Variants in C3orf22 observed in about 807,000 individuals in gnomAD.
C3orf22 encodes uncharacterized protein C3orf22.
Under a neutral mutation model 10.8 loss-of-function variants are expected in C3orf22, and 7 were observed. The ratio of observed to expected loss-of-function variants is 0.65; its 90% CI spans 0.37 to 1.22. The LOEUF is 1.22. C3orf22 is among the 50% of genes most tolerant of loss of function. The probability of loss-of-function intolerance (pLI) is 0.02; values close to 1 mark genes in which losing one functional copy is unlikely to be tolerated. For synonymous variants in C3orf22, 79 were observed against 78.9 expected (o/e 1.00, Z 0.00); for missense variants, 173 against 177.0 (o/e 0.98, Z 0.13).
chr3:126,528,417 G>A (rs747297313), intron 5 of C3orf22, among the ~76,000 whole-genome samples: 4 of 152,198 alleles, frequency 2.6e-5, no homozygotes, highest in Non-Finnish European at 2.9e-5. Context: ...AAAGAGTGCC[G>A]TGGCTGGAGC....
intron 3 of C3orf22, among the ~76,000 whole-genome samples, chr3:126,550,977 T>C (rs1201781055): frequency 1.3e-5 from 2 of 152,218 alleles, no homozygotes; most frequent in Non-Finnish European, 2.9e-5. Context: ...CCCTGGCCGC[T>C]AAGCCCCATT....
chr3:126,549,621 CATT>C, downstream of C3orf22: 1 of 1,452,656 alleles, frequency 6.9e-7, no homozygotes, highest in East Asian at 2.9e-5. Flanking sequence ...CAAGATTAAA[CATT>C]ATTACAACAA....
chr3:126,542,301 C>G, intron 4 of C3orf22: 1 of 1,566,526 alleles, frequency 6.4e-7, no homozygotes, highest in Non-Finnish European at 8.6e-7. Context: ...TGGGAGCGCG[C>G]GCACGCGCTC....
At chr3:126,530,156 C>T (rs1200706852) in intron 4 of C3orf22, among the ~76,000 whole-genome samples, 2 of 152,322 alleles carry the variant, frequency 1.3e-5, no homozygotes, top group East Asian at 1.9e-4. Flanking sequence ...GCAGCCTGCC[C>T]GTCTGCAGGG....
chr3:126,537,616 G>C (rs1936826047), intron 4 of C3orf22, among the ~76,000 whole-genome samples: 1 of 152,186 alleles, frequency 6.6e-6, no homozygotes, highest in African/African-American at 2.4e-5. Context: ...CTGACGGTAG[G>C]ACAGGCACTC....
intron 3 of C3orf22, among the ~76,000 whole-genome samples, 180 bp downstream of exon 3, chr3:126,551,817 C>T (rs987438872): frequency 3.9e-5 from 6 of 152,276 alleles, no homozygotes; most frequent in Admixed American, 1.3e-4. Flanking sequence ...CTGGATGCTG[C>T]CTGGCTGTGG....
intron 1 of C3orf22, among the ~76,000 whole-genome samples, chr3:126,555,072 T>C (rs1209333170): frequency 1.3e-5 from 2 of 152,214 alleles, no homozygotes; most frequent in Non-Finnish European, 2.9e-5. Context: ...TCATGGCTAG[T>C]GCCTGCTGCA....
intron 4 of C3orf22, among the ~76,000 whole-genome samples, chr3:126,532,801 A>C (rs1436111898): frequency 6.6e-6 from 1 of 152,244 alleles, no homozygotes; most frequent in Non-Finnish European, 1.5e-5. Flanking sequence ...TTTGGCAGAA[A>C]AAGGCAGCTG....
At chr3:126,556,604 G>A (rs1464555579) in intron 1 of C3orf22, among the ~76,000 whole-genome samples, 1 of 151,920 alleles carries the variant, frequency 6.6e-6, no homozygotes, top group Non-Finnish European at 1.5e-5. Context: ...GAAGGCGGCC[G>A]CTAAGCAGGT....
At chr3:126,546,754 A>T (rs9868154), downstream of C3orf22, among the ~76,000 whole-genome samples, 33,968 of 151,984 alleles carry the variant, frequency 0.22, 5,149 homozygotes, top group African/African-American at 0.43. Context: ...GTCCCAGCAG[A>T]CTAAGCCGTG....
downstream of C3orf22, among the ~76,000 whole-genome samples, chr3:126,546,092 G>A (rs1273973695): frequency 6.6e-6 from 1 of 152,192 alleles, no homozygotes; most frequent in Non-Finnish European, 1.5e-5. Context: ...CAGTGGCAAG[G>A]GAGTCTGGGA....
intron 4 of C3orf22, among the ~76,000 whole-genome samples, chr3:126,537,507 G>A (rs889092620): frequency 2.6e-5 from 4 of 152,208 alleles, no homozygotes; most frequent in African/African-American, 4.8e-5. Flanking sequence ...AGGGCTGAGC[G>A]GAAGGGGCCT....
chr3:126,554,231 A>G (rs2107583803), intron 1 of C3orf22, among the ~76,000 whole-genome samples: 1 of 147,156 alleles, frequency 6.8e-6, no homozygotes, highest in East Asian at 2.0e-4. Context: ...CAGGCTGTAC[A>G]TACATTTTTT....
At chr3:126,541,820 C>A in intron 4 of C3orf22, 1 of 1,564,474 alleles carries the variant, frequency 6.4e-7, no homozygotes, top group South Asian at 1.2e-5. Context: ...CCGGCAGCGC[C>A]TGCTACAGCC....
rs1233614234 is a variant in C3orf22 at position 126,553,442 on chromosome 3, G to A, written c.-40-12C>T. 2 of 1,521,854 alleles carry A rather than the reference G, an allele frequency of 1.3e-6. No homozygotes were observed. The highest frequency in any genetic ancestry group is 2.7e-5 in the African/African-American group (2 of 72,870). The allele number at this position is 1,521,854 out of a possible 1,614,324, so 94.3% of individuals were successfully genotyped here. A position where few individuals can be genotyped will look rare whatever the true frequency, so the allele number is the denominator to read the frequency against. On this transcript the variant is annotated splice_polypyrimidine_tract_variant and intron_variant, in intron 1 of 3. Transcript: ENST00000318225. ...CCTCTCAGCCATGGCTGGAAGACAA[G>A]AGGAGGCGTCAGAGGGGGCAGGGGT...
At chr3:126,539,378 G>C (rs977048216) in intron 4 of C3orf22, among the ~76,000 whole-genome samples, 2 of 152,040 alleles carry the variant, frequency 1.3e-5, no homozygotes, top group Non-Finnish European at 2.9e-5. Context: ...TTAGACAGCT[G>C]TGGGATAGTT....
chr3:126,552,036 T>G lies in C3orf22; in HGVS notation c.176A>C (p.Gln59Pro). The change falls in exon 3 of 4, where the codon CAG becomes CCG. Residue 59 changes from glutamine (Q) to proline (P), a missense_variant. Coordinates refer to ENST00000318225, the MANE Select transcript of C3orf22 (RefSeq NM_152533.3). ...GGACCTCGTTGGCACCAACCTCTTC[T>G]GCAGGGGCAGCTGCACCGTGTTCGA... ...NDSNTVQLPL[Q>P]KRLVPTRSIP... The G allele has an allele frequency of 1.9e-6, 3 of 1,613,742 alleles. No individual in the cohort carries two copies. Among genetic ancestry groups the G allele is most frequent in the Non-Finnish European group, 2.5e-6 (3 of 1,179,808 alleles).
downstream of C3orf22, among the ~76,000 whole-genome samples, chr3:126,545,015 G>A (rs1404720053): frequency 1.3e-5 from 2 of 152,208 alleles, no homozygotes; most frequent in Non-Finnish European, 2.9e-5. Context: ...CTCTCTGGCT[G>A]GTGCCAGAAC....
rs1018484349 is a variant in C3orf22, at chr3:126,538,142, C to T, written c.287-8770G>A. On this transcript the variant is annotated intron_variant and NMD_transcript_variant, in intron 4 of 5. Coordinates refer to the C3orf22 transcript ENST00000505070. The stretch of plus-strand genomic sequence containing the variant: ...TGGGTATTCATGTGCCTATGAGCAA[C>T]AGCAGTGGCAGCCCAAGCTGCTTCC... Among the ~76,000 whole-genome samples the T allele has an allele frequency of 3.3e-5, 5 of 152,330 alleles. 1 individual carries two copies. The highest frequency in any genetic ancestry group is 6.5e-5 in the Admixed American group (1 of 15,312).
Sources: gnomAD v4.1 joint callset for allele counts (sites outside exome capture counted in the v4.1 genomes callset) on GRCh38, gnomAD v4.1.1 for gene constraint, MANE v1.5 for transcripts, NCBI Gene and HGNC (gene_info 2026-07-23, HGNC 2026-07-21) for gene names.